Variants in MAP3K1 observed in about 807,000 individuals in gnomAD.
MAP3K1 encodes the protein mitogen-activated protein kinase kinase kinase 1, also known as MAP/ERK kinase kinase 1.
In MAP3K1, 36 loss-of-function variants were observed where a neutral mutation model predicts 144.2. That is an observed-to-expected ratio of 0.25 (90% CI 0.19 to 0.33). The LOEUF (loss-of-function observed/expected upper bound fraction) is 0.33, where lower values mean the gene tolerates loss of function less well. MAP3K1 is among the 10% of genes least tolerant of loss of function. The pLI, the probability that MAP3K1 is intolerant of heterozygous loss-of-function variation, is 1.00. For synonymous variants in MAP3K1, 718 were observed against 688.7 expected, an observed-to-expected ratio of 1.04 and a Z score of -0.67; for missense variants, 1,650 against 1,881.9, an observed-to-expected ratio of 0.88 and a Z score of 2.28.
Position 56,815,633 on chromosome 5 carries a change from G to T in MAP3K1, c.60G>T (p.Thr20=). The T allele has an allele frequency of 7.5e-7, 1 of 1,326,016 alleles. No homozygotes were observed. The highest frequency in any genetic ancestry group is 2.0e-5 in the South Asian group (1 of 50,386). The allele number at this position is 1,326,016 out of a possible 1,614,324, so 82.1% of individuals were successfully genotyped here. A position where few individuals can be genotyped will look rare whatever the true frequency, so the allele number is the denominator to read the frequency against. The change falls in exon 1 of 20, where the codon ACG becomes ACT. Residue 20 remains threonine (T), a synonymous_variant. Coordinates refer to ENST00000399503, the MANE Select transcript of MAP3K1 (RefSeq NM_005921.2). ...CGGGATTCCCGGGCGCCAGGGCTAC[G>T]AGCCCTGAGGCAGGCGGCGGCGGAG... ...SSSGFPGARA[T]SPEAGGGGGA...
intron 18 of MAP3K1, 122 bp downstream of exon 18, chr5:56,887,642 T>A: frequency 9.8e-7 from 1 of 1,023,310 alleles, no homozygotes; most frequent in Non-Finnish European, 1.5e-6. Context: ...CCGTGGCCCT[T>A]AAAATACGGT....
intron 2 of MAP3K1, among the ~76,000 whole-genome samples, chr5:56,859,033 G>A (rs927063231): frequency 6.7e-6 from 1 of 148,908 alleles, no homozygotes; most frequent in Non-Finnish European, 1.5e-5. Flanking sequence ...TTGGCCTTTG[G>A]TCATGGCTAG....
chr5:56,869,499 T>A (rs1291931990), intron 6 of MAP3K1, among the ~76,000 whole-genome samples: 1 of 152,162 alleles, frequency 6.6e-6, no homozygotes, highest in Non-Finnish European at 1.5e-5. Flanking sequence ...AAAAAAAGAA[T>A]TATGTATATG....
chr5:56,860,961 A>T (rs1002163128), intron 3 of MAP3K1, among the ~76,000 whole-genome samples: 1 of 152,228 alleles, frequency 6.6e-6, no homozygotes, highest in Non-Finnish European at 1.5e-5. Flanking sequence ...ATCCACCACT[A>T]TGAGCTTGAC....
chr5:56,879,714 A>G (rs1442631736), intron 11 of MAP3K1, among the ~76,000 whole-genome samples: 1 of 152,194 alleles, frequency 6.6e-6, no homozygotes, highest in African/African-American at 2.4e-5. Flanking sequence ...TTTTCAGACC[A>G]ATGGTTCTCT....
intron 14 of MAP3K1, among the ~76,000 whole-genome samples, chr5:56,883,230 T>C (rs1748281521): frequency 6.6e-6 from 1 of 152,130 alleles, no homozygotes; most frequent in African/African-American, 2.4e-5. Context: ...TAAACCTAAT[T>C]CAGAAATGCT....
At chr5:56,865,712 C>A in intron 5 of MAP3K1, 117 bp from the exon 6 acceptor site, 1 of 1,108,244 alleles carries the variant, frequency 9.0e-7, no homozygotes, top group South Asian at 1.3e-5. Flanking sequence ...TTTTGAAGCT[C>A]TTAAATCAAC....
At chr5:56,816,206 CCCCT>C in intron 1 of MAP3K1, 151 bp downstream of exon 1, 2 of 816,880 alleles carry the variant, frequency 2.4e-6, no homozygotes, top group Non-Finnish European at 3.2e-6. Flanking sequence ...CACCCCCCGA[CCCCT>C]TCGGAGTCGG....
chr5:56,887,263 TGTA>T, intron 17 of MAP3K1, 112 bp from the exon 18 acceptor site: 1 of 950,758 alleles, frequency 1.1e-6, no homozygotes, highest in Non-Finnish European at 1.7e-6. Flanking sequence ...ACCTCTGACA[TGTA>T]GTTCACTTCT....
intron 6 of MAP3K1, 67 bp downstream of exon 6, chr5:56,866,044 A>G (rs1747662332): frequency 8.2e-7 from 1 of 1,214,250 alleles, no homozygotes; most frequent in Non-Finnish European, 1.2e-6. Flanking sequence ...GTAATTTTTT[A>G]TATCTACTTG....
chr5:56,846,144 T>C (rs1579738286), intron 1 of MAP3K1, among the ~76,000 whole-genome samples: 1 of 152,208 alleles, frequency 6.6e-6, no homozygotes, highest in Admixed American at 6.5e-5. Context: ...GTCACTAACG[T>C]TTTTATATGT....
At chr5:56,859,940 G>C (rs761164753) in intron 3 of MAP3K1, 25 bp downstream of exon 3, 1 of 1,554,092 alleles carries the variant, frequency 6.4e-7, no homozygotes, top group Non-Finnish European at 8.8e-7. Context: ...CAACAAATAT[G>C]TTAGTTTTTA....
intron 1 of MAP3K1, among the ~76,000 whole-genome samples, chr5:56,821,990 T>C (rs1040747434): frequency 1.3e-5 from 2 of 152,126 alleles, no homozygotes; most frequent in African/African-American, 2.4e-5. Flanking sequence ...AAGAACTGTC[T>C]TTTTTTAGGA....
intron 1 of MAP3K1, among the ~76,000 whole-genome samples, chr5:56,826,435 T>C (rs1446774231): frequency 6.6e-6 from 1 of 152,244 alleles, no homozygotes; most frequent in Non-Finnish European, 1.5e-5. Context: ...CACACATTAT[T>C]GTAAAGTGAA....
At position 56,872,726 on chromosome 5, in the gene MAP3K1, A is replaced by G. The variant is rs757587684; in HGVS notation, c.1505+4A>G. On this transcript the variant is annotated splice_donor_region_variant and intron_variant, in intron 8 of 19. Transcript: ENST00000399503. ...GGAGATCTCATGATTTCTACAGGTA[A>G]TAATTTTGAAATGATACGGATATGT... is the stretch of plus-strand genomic sequence containing the variant. The G allele has an allele frequency of 1.9e-6, 3 of 1,599,754 alleles. No individual in the cohort carries two copies. The South Asian group carries it at 3.3e-5, about 18-fold the overall frequency.
chr5:56,850,035 T>C (rs1466682010), intron 1 of MAP3K1, among the ~76,000 whole-genome samples: 2 of 152,238 alleles, frequency 1.3e-5, no homozygotes, highest in Non-Finnish European at 2.9e-5. Flanking sequence ...GCCCTATCCT[T>C]GGGAAGGAAT....
intron 1 of MAP3K1, among the ~76,000 whole-genome samples, chr5:56,818,864 T>G (rs1746066282): frequency 6.6e-6 from 1 of 152,194 alleles, no homozygotes; most frequent in Non-Finnish European, 1.5e-5. Flanking sequence ...ACAGGCTGCT[T>G]TTATATCCTC....
At chr5:56,875,508 G>A (rs1169002274) in intron 10 of MAP3K1, among the ~76,000 whole-genome samples, 198 bp downstream of exon 10, 1 of 152,008 alleles carries the variant, frequency 6.6e-6, no homozygotes, top group Admixed American at 6.6e-5. Flanking sequence ...GATGTCCAAG[G>A]TTTCTTATAT....
At chr5:56,831,340 G>C (rs187899492) in intron 1 of MAP3K1, among the ~76,000 whole-genome samples, 1,722 of 152,172 alleles carry the variant, frequency 0.011, 18 homozygotes, top group Non-Finnish European at 0.017. Flanking sequence ...GGGAGAGCAG[G>C]GGGTAGAAAA....
Sources: gnomAD v4.1 joint callset for allele counts (sites outside exome capture counted in the v4.1 genomes callset) on GRCh38, gnomAD v4.1.1 for gene constraint, MANE v1.5 for transcripts, NCBI Gene and HGNC (gene_info 2026-07-23, HGNC 2026-07-21) for gene names.